The following CWF19L2 variants were observed in gnomAD, a reference collection of about 807,000 sequenced individuals.
The protein encoded by CWF19L2 is CWF19-like protein 2.
CWF19L2 carries 98 observed loss-of-function variants against 111.7 expected under a neutral mutation model. The observed-to-expected ratio is 0.88, with a 90% CI of 0.75 to 1.04. CWF19L2 has a LOEUF of 1.04. Ranked by LOEUF, CWF19L2 falls within the 50% of genes least tolerant of loss-of-function variation. The pLI is 0.00. For missense variants in CWF19L2, 1,101 were observed against 1,051.4 expected, an observed-to-expected ratio of 1.05 and a Z score of -0.65; for synonymous variants, 351 against 342.9, an observed-to-expected ratio of 1.02 and a Z score of -0.26.
At chr11:107,404,998 T>C (rs1455581274) in intron 10 of CWF19L2, among the ~76,000 whole-genome samples, 2 of 152,204 alleles carry the variant, frequency 1.3e-5, no homozygotes, top group Admixed American at 1.3e-4. Context: ...AATATGAGGC[T>C]TAAGAATCTG....
intron 3 of CWF19L2, among the ~76,000 whole-genome samples, chr11:107,447,193 C>G (rs1376464002): frequency 6.6e-6 from 1 of 152,126 alleles, no homozygotes; most frequent in Non-Finnish European, 1.5e-5. Context: ...ACTTTCTAGA[C>G]TGTGGCATAG....
chr11:107,347,091 G>C (rs1860091367), intron 14 of CWF19L2, among the ~76,000 whole-genome samples: 1 of 152,136 alleles, frequency 6.6e-6, no homozygotes, highest in African/African-American at 2.4e-5. Context: ...TTGTAAAAAT[G>C]ATAACAATAA....
chr11:107,335,024 A>T (rs1859902288), intron 15 of CWF19L2, 63 bp from the exon 16 acceptor site: 2 of 965,064 alleles, frequency 2.1e-6, no homozygotes, highest in Non-Finnish European at 3.3e-6. Flanking sequence ...GAAACAGCTT[A>T]TAACAAGTAA....
chr11:107,378,268 T>C (rs1327842054), intron 12 of CWF19L2, among the ~76,000 whole-genome samples: 1 of 149,738 alleles, frequency 6.7e-6, no homozygotes. Context: ...CATTACTGGG[T>C]ATATACCCAA....
intron 5 of CWF19L2, among the ~76,000 whole-genome samples, chr11:107,440,145 G>A (rs1861601471): frequency 6.6e-6 from 1 of 152,138 alleles, no homozygotes; most frequent in Non-Finnish European, 1.5e-5. Flanking sequence ...AGGTATGTGA[G>A]ATCAAAGTAA....
At position 107,439,701 on chromosome 11, in the gene CWF19L2, G is replaced by C. The variant is rs189800115; in HGVS notation, c.571-518C>G. The stretch of plus-strand genomic sequence containing the variant: ...ACGTTCTTAAAACAACAGAGAAAGA[G>C]AAAGTGCAGCAGTTTCAGGAAACTT... On this transcript the variant is annotated intron_variant, in intron 5 of 17. Transcript: ENST00000282251. Among the ~76,000 whole-genome samples, 181 of 152,324 alleles carry C rather than the reference G, an allele frequency of 1.2e-3. 1 individual carries two copies. The highest frequency in any genetic ancestry group is 2.3e-3 in the Admixed American group (35 of 15,302).
At chr11:107,340,631 A>C (rs1453653826) in intron 14 of CWF19L2, among the ~76,000 whole-genome samples, 1 of 152,088 alleles carries the variant, frequency 6.6e-6, no homozygotes, top group Non-Finnish European at 1.5e-5. Flanking sequence ...TTGCAACTGT[A>C]TTCTTCTTGT....
chr11:107,426,494 T>C (rs1355449262), intron 8 of CWF19L2, among the ~76,000 whole-genome samples: 2 of 151,872 alleles, frequency 1.3e-5, no homozygotes, highest in Non-Finnish European at 2.9e-5. Flanking sequence ...TTAAATAGCA[T>C]GCAAAGATAC....
At chr11:107,452,265 A>T (rs1306475696) in intron 3 of CWF19L2, among the ~76,000 whole-genome samples, 2 of 152,190 alleles carry the variant, frequency 1.3e-5, no homozygotes, top group Non-Finnish European at 2.9e-5. Context: ...TATCAAAAGC[A>T]GGTTTTTTTT....
intron 10 of CWF19L2, among the ~76,000 whole-genome samples, chr11:107,402,864 CTG>C (rs2135385876): frequency 1.5e-5 from 1 of 65,930 alleles, no homozygotes; most frequent in South Asian, 4.9e-4. Context: ...GATAAACAAA[CTG>C]TGGTGTGTAT....
chr11:107,393,714 A>C (rs1045851772), intron 10 of CWF19L2, among the ~76,000 whole-genome samples: 3 of 152,176 alleles, frequency 2.0e-5, no homozygotes, highest in Non-Finnish European at 4.4e-5. Flanking sequence ...CACACAAAAA[A>C]CAGAAATGTC....
intron 8 of CWF19L2, among the ~76,000 whole-genome samples, chr11:107,421,241 T>C (rs2135401879): frequency 6.6e-6 from 1 of 152,130 alleles, no homozygotes; most frequent in East Asian, 1.9e-4. Context: ...ATGACACATG[T>C]CTGAACTGAT....
intron 8 of CWF19L2, among the ~76,000 whole-genome samples, chr11:107,428,345 T>C (rs1034512015): frequency 6.6e-6 from 1 of 152,134 alleles, no homozygotes; most frequent in Admixed American, 6.6e-5. Context: ...ATCTCTGGCA[T>C]GTATTTGTCA....
intron 12 of CWF19L2, among the ~76,000 whole-genome samples, chr11:107,368,068 A>T (rs1565256166): frequency 7.3e-6 from 1 of 136,150 alleles, no homozygotes; most frequent in Non-Finnish European, 1.6e-5. Flanking sequence ...GAAGGAACCA[A>T]CCTGAAATTA....
chr11:107,341,836 C>A (rs774212061), intron 14 of CWF19L2, among the ~76,000 whole-genome samples: 3 of 152,076 alleles, frequency 2.0e-5, no homozygotes, highest in Non-Finnish European at 4.4e-5. Flanking sequence ...TTTCAAGGAA[C>A]TGGTCCATTA....
Position 107,326,755 on chromosome 11 carries a change from A to C in CWF19L2, c.*155T>G. On this transcript the variant is annotated 3_prime_UTR_variant, in exon 18 of 18. Transcript: ENST00000282251. ...GATAGGAGCAGGTGAAGAAGAAAAC[A>C]ACACAATCTCCTGATGTACAGTTGT... 1.9e-6 allele frequency: 1 copy of C among 522,582 alleles called. No individual in the cohort carries two copies. Among genetic ancestry groups the C allele is most frequent in the South Asian group, 3.9e-5 (1 of 25,370 alleles). 32.4% of individuals were successfully genotyped at this position (522,582 alleles called of 1,614,324 possible).
intron 3 of CWF19L2, among the ~76,000 whole-genome samples, chr11:107,443,785 G>C (rs1350319530): frequency 1.3e-5 from 2 of 152,174 alleles, no homozygotes; most frequent in Non-Finnish European, 1.5e-5. Context: ...TAAAACTGCA[G>C]ATAACATTAT....
intron 8 of CWF19L2, among the ~76,000 whole-genome samples, chr11:107,422,122 T>C (rs141864460): frequency 1.3e-5 from 2 of 152,044 alleles, no homozygotes; most frequent in Non-Finnish European, 2.9e-5. Context: ...GAGTGCATAA[T>C]GTATGATCCC....
At chr11:107,446,574 C>A (rs1233407889) in intron 3 of CWF19L2, among the ~76,000 whole-genome samples, 1 of 152,134 alleles carries the variant, frequency 6.6e-6, no homozygotes, top group Non-Finnish European at 1.5e-5. Flanking sequence ...TCTACAAAAT[C>A]TACTACAAAA....
Sources: gnomAD v4.1 joint callset for allele counts (sites outside exome capture counted in the v4.1 genomes callset) on GRCh38, gnomAD v4.1.1 for gene constraint, MANE v1.5 for transcripts, NCBI Gene and HGNC (gene_info 2026-07-23, HGNC 2026-07-21) for gene names.